Variants in PARP12 observed in about 807,000 individuals in gnomAD.
PARP12 encodes poly(ADP-ribose) polymerase family member 12, also known as protein mono-ADP-ribosyltransferase PARP12.
A neutral mutation model predicts 72.4 loss-of-function variants in PARP12; 59 were observed. That is an observed-to-expected ratio of 0.81 (90% CI 0.66 to 1.01). PARP12 has a LOEUF of 1.01. Ranked by LOEUF, PARP12 falls within the 50% of genes least tolerant of loss-of-function variation. The pLI is 0.00. For missense variants in PARP12, 851 were observed against 914.0 expected (o/e 0.93, Z 0.89); for synonymous variants, 403 against 371.4 (o/e 1.09, Z -0.98).
At chr7:140,045,744 C>T (rs1816690331) in intron 5 of PARP12, among the ~76,000 whole-genome samples, 8 of 152,122 alleles carry the variant, frequency 5.3e-5, no homozygotes, top group Admixed American at 4.6e-4. Context: ...AAGAAATATA[C>T]AAAAAGTGGG....
At chr7:140,038,133 G>C in intron 6 of PARP12, 1 of 985,424 alleles carries the variant, frequency 1.0e-6, no homozygotes, top group Non-Finnish European at 1.2e-6. Flanking sequence ...GGGCACTCAA[G>C]TCACCTAGGA....
intron 1 of PARP12, among the ~76,000 whole-genome samples, chr7:140,059,347 C>T (rs150616030): frequency 3.6e-5 from 5 of 139,366 alleles, no homozygotes; most frequent in Non-Finnish European, 6.1e-5. Context: ...TATGTGCATG[C>T]GTGCAGGCGT....
chr7:140,049,362 G>A (rs1585106152), intron 4 of PARP12, among the ~76,000 whole-genome samples: 1 of 152,178 alleles, frequency 6.6e-6, no homozygotes, highest in Non-Finnish European at 1.5e-5. Flanking sequence ...ACTCTCTCAA[G>A]CAGGTGTGTA....
At chr7:140,039,048 G>A (rs1816342108) in intron 6 of PARP12, among the ~76,000 whole-genome samples, 1 of 152,206 alleles carries the variant, frequency 6.6e-6, no homozygotes, top group Admixed American at 6.5e-5. Context: ...GATGACATGA[G>A]TTGGCCCCAT....
chr7:140,041,403 A>AT, intron 6 of PARP12: 1 of 412,204 alleles, frequency 2.4e-6, no homozygotes, highest in Non-Finnish European at 4.4e-6. Flanking sequence ...CTCACTACAA[A>AT]TTTGTCATTC....
intron 7 of PARP12, among the ~76,000 whole-genome samples, chr7:140,035,954 G>A (rs927011954): frequency 0.077 from 5,877 of 76,206 alleles, 1,258 homozygotes; most frequent in African/African-American, 0.2. Context: ...GGAGGAGGAC[G>A]AGGAGGAGGA....
At chr7:140,024,957 C>A in intron 11 of PARP12, 72 bp from the exon 12 acceptor site, 1 of 1,427,224 alleles carries the variant, frequency 7.0e-7, no homozygotes. Context: ...CTGCGAATAG[C>A]GTCCTGGTGA....
chr7:140,028,143 C>T (rs993898781), intron 9 of PARP12, among the ~76,000 whole-genome samples: 1 of 152,196 alleles, frequency 6.6e-6, no homozygotes, highest in Non-Finnish European at 1.5e-5. Context: ...CTCAGCACAG[C>T]TCCCACTGGT....
chr7:140,057,374 C>T (rs979561647), intron 2 of PARP12: 2 of 572,748 alleles, frequency 3.5e-6, no homozygotes, highest in African/African-American at 3.7e-5. Context: ...AGAATCAGCC[C>T]CTCCACTGGG....
intron 1 of PARP12, among the ~76,000 whole-genome samples, chr7:140,060,178 G>A (rs1817384454): frequency 6.6e-6 from 1 of 152,212 alleles, no homozygotes; most frequent in Non-Finnish European, 1.5e-5. Context: ...AGGGAACTGA[G>A]ACCTGGAGGT....
chr7:140,030,023 G>T lies in PARP12; in HGVS notation c.1422-1335C>A, dbSNP rs370312979. ...TGAGATGCACCTATCCGCAGCTTAA[G>T]AAGCCCAAAGAATCTCAACCATGAT... On this transcript the variant is annotated intron_variant, in intron 8 of 11. Transcript: ENST00000263549. Among the ~76,000 whole-genome samples the T allele has an allele frequency of 2.0e-5, 3 of 152,318 alleles. No homozygotes were observed. In the South Asian group the frequency reaches 6.2e-4, roughly 32 times the overall value.
Position 140,041,852 on chromosome 7 carries a change from A to C in PARP12, c.987-13T>G. ...AGAGCACAGGATCCTACAGAAGAAA[A>C]ACAGCAGCAGACTGAAAATCCCACC... On this transcript the variant is annotated splice_polypyrimidine_tract_variant and intron_variant, in intron 5 of 11. Transcript: ENST00000263549. 2 of 1,600,920 alleles carry C rather than the reference A, an allele frequency of 1.2e-6. No individual in the cohort carries two copies. The highest frequency in any genetic ancestry group is 1.7e-6 in the Non-Finnish European group (2 of 1,170,006).
intron 1 of PARP12, 73 bp downstream of exon 1, chr7:140,062,449 C>G: frequency 7.1e-7 from 1 of 1,409,906 alleles, no homozygotes; most frequent in East Asian, 2.8e-5. Context: ...CAAGTAGGAC[C>G]CCCAAGCGGG....
intron 7 of PARP12, among the ~76,000 whole-genome samples, chr7:140,037,351 C>T (rs1816247332): frequency 6.6e-6 from 1 of 152,246 alleles, no homozygotes; most frequent in Non-Finnish European, 1.5e-5. Flanking sequence ...AGCACTGCTG[C>T]AGCAGGGAGT....
chr7:140,047,921 T>C (rs1339825408), intron 4 of PARP12, among the ~76,000 whole-genome samples: 1 of 152,176 alleles, frequency 6.6e-6, no homozygotes, highest in African/African-American at 2.4e-5. Context: ...TGGCAATTTT[T>C]TAGAAATATG....
chr7:140,048,092 C>T (rs1816810926), intron 4 of PARP12, among the ~76,000 whole-genome samples: 1 of 152,120 alleles, frequency 6.6e-6, no homozygotes, highest in Admixed American at 6.5e-5. Flanking sequence ...AAGATGGAGC[C>T]AGATTCATCC....
chr7:140,043,142 T>C (rs939783333), intron 5 of PARP12, among the ~76,000 whole-genome samples: 1 of 152,128 alleles, frequency 6.6e-6, no homozygotes, highest in Non-Finnish European at 1.5e-5. Flanking sequence ...TGCAGTGAGC[T>C]GAGACCGCAC....
At chr7:140,051,171 G>C (rs1452269111) in intron 4 of PARP12, among the ~76,000 whole-genome samples, 1 of 152,112 alleles carries the variant, frequency 6.6e-6, no homozygotes, top group Non-Finnish European at 1.5e-5. Context: ...ACATATGTAA[G>C]TGGACTTCAA....
chr7:140,024,847 AGTG>A lies in PARP12; in HGVS notation c.1816_1818del (p.His606del). ...TGGGTCTGCGTGTCGGATTTGCTGT[AGTG>A]GTGGGAATATGCAGCATCTCGGGCA... On this transcript the variant is annotated inframe_deletion, in exon 12 of 12. Coordinates refer to ENST00000263549, the MANE Select transcript of PARP12 (RefSeq NM_022750.4). 6.2e-7 allele frequency: 1 copy of A among 1,613,994 alleles called. No individual in the cohort carries two copies. The highest frequency in any genetic ancestry group is 1.7e-5 in the Admixed American group (1 of 60,002).
Sources: gnomAD v4.1 joint callset for allele counts (sites outside exome capture counted in the v4.1 genomes callset) on GRCh38, gnomAD v4.1.1 for gene constraint, MANE v1.5 for transcripts, NCBI Gene and HGNC (gene_info 2026-07-23, HGNC 2026-07-21) for gene names.